NETO2: variants seen among roughly 807,000 people sequenced by gnomAD.
NETO2 encodes neuropilin and tolloid like 2.
A neutral mutation model predicts 62.5 loss-of-function variants in NETO2; 28 were observed. That is an observed-to-expected ratio of 0.45 (90% CI 0.33 to 0.61). The LOEUF (loss-of-function observed/expected upper bound fraction) is 0.61, where lower values mean the gene tolerates loss of function less well. NETO2 is among the 20% of genes least tolerant of loss of function. NETO2 has a pLI of 0.02. For synonymous variants in NETO2, 214 were observed against 219.1 expected, an observed-to-expected ratio of 0.98 and a Z score of 0.21; for missense variants, 548 against 643.2, an observed-to-expected ratio of 0.85 and a Z score of 1.60.
chr16:47,101,484 G>A (rs1286341091), intron 7 of NETO2, among the ~76,000 whole-genome samples: 11 of 152,176 alleles, frequency 7.2e-5, no homozygotes, highest in Non-Finnish European at 1.6e-4. Context: ...AGGAAGACCG[G>A]AAGTTAAATT....
chr16:47,139,976 T>A (rs1378780773), intron 1 of NETO2, among the ~76,000 whole-genome samples: 1 of 152,382 alleles, frequency 6.6e-6, no homozygotes, highest in Admixed American at 6.5e-5. Context: ...TTTCCAATGT[T>A]ACTCCAGGCA....
intron 7 of NETO2, 148 bp from the exon 8 acceptor site, chr16:47,086,487 C>G: frequency 1.7e-6 from 1 of 604,282 alleles, no homozygotes. Flanking sequence ...ATAAGACAAA[C>G]GTCAATATTC....
intron 4 of NETO2, among the ~76,000 whole-genome samples, chr16:47,125,847 G>A (rs1206731044): frequency 6.6e-6 from 1 of 152,116 alleles, no homozygotes; most frequent in East Asian, 1.9e-4. Context: ...TGCACCACAC[G>A]CCTGGCTCCA....
intron 6 of NETO2, among the ~76,000 whole-genome samples, chr16:47,119,573 T>C (rs1475872270): frequency 6.6e-6 from 1 of 152,020 alleles, no homozygotes; most frequent in African/African-American, 2.4e-5. Context: ...TTTTTTTTAA[T>C]TTCTGTTTTA....
chr16:47,129,309 AAC>A lies in NETO2; in HGVS notation c.145_146del (p.Val49SerfsTer15), dbSNP rs1964218236. On this transcript the variant is annotated frameshift_variant, in exon 3 of 9. Coordinates refer to ENST00000562435, the MANE Select transcript of NETO2 (RefSeq NM_018092.5). LOFTEE classifies it high-confidence loss of function. Reference protein sequence around the residue: ...HIPATQCGIWVRTSNGGHFAS... With the variant: ...HIPATQCGIWXRTSNGGHFAS... ...CAAAATGACCTCCATTGCTGGTTCGAACCCAAATGCCACACTGGGTTGCAGGA... is the reference window on the plus strand; with the variant it reads ...CAAAATGACCTCCATTGCTGGTTCGACCAAATGCCACACTGGGTTGCAGGA... 1 of 1,613,978 alleles carries A rather than the reference AAC, an allele frequency of 6.2e-7. No homozygotes were observed. The highest frequency in any genetic ancestry group is 8.5e-7 in the Non-Finnish European group (1 of 1,179,948).
rs1049278761 is a variant in NETO2 at position 47,143,804 on chromosome 16, G to T, written c.-192C>A. Reference sequence around the variant, plus strand: ...CGAGCCCCACAGTGGGCTCCCGCGCGGCCCGAGCACCCCGACGGGCGCCGC... The same window carrying T: ...CGAGCCCCACAGTGGGCTCCCGCGCTGCCCGAGCACCCCGACGGGCGCCGC... On this transcript the variant is annotated 5_prime_UTR_variant, in exon 1 of 9. Coordinates refer to ENST00000562435, the MANE Select transcript of NETO2 (RefSeq NM_018092.5). 3 of 739,944 alleles carry T rather than the reference G, an allele frequency of 4.1e-6. No homozygotes were observed. In the Admixed American group the frequency reaches 1.4e-4, roughly 35 times the overall value. The allele number at this position is 739,944 out of a possible 1,614,324, so 45.8% of individuals were successfully genotyped here.
At chr16:47,096,426 G>T (rs1270751149) in intron 7 of NETO2, among the ~76,000 whole-genome samples, 2 of 152,102 alleles carry the variant, frequency 1.3e-5, no homozygotes, top group Non-Finnish European at 2.9e-5. Flanking sequence ...AGAACAAAAA[G>T]ACTCAAATTA....
intron 7 of NETO2, among the ~76,000 whole-genome samples, chr16:47,102,806 G>A (rs1159157426): frequency 6.6e-6 from 1 of 152,324 alleles, no homozygotes. Flanking sequence ...ATGCTGGAGA[G>A]GATGTGGATA....
At chr16:47,128,658 CTG>C in intron 3 of NETO2, 85 bp from the exon 4 acceptor site, 3 of 1,419,500 alleles carry the variant, frequency 2.1e-6, no homozygotes, top group Non-Finnish European at 2.9e-6. Flanking sequence ...AGCAGAATAA[CTG>C]TTCTGCTAAC....
rs897071831 is a variant in NETO2 at position 47,083,132 on chromosome 16, A to C, written c.*89T>G. The C allele has an allele frequency of 1.6e-5, 18 of 1,160,420 alleles. No homozygotes were observed. The highest frequency in any genetic ancestry group is 1.6e-5 in the Non-Finnish European group (13 of 810,230). 71.9% of individuals were successfully genotyped at this position (1,160,420 alleles called of 1,614,324 possible). A position where few individuals can be genotyped will look rare whatever the true frequency, so the allele number is the denominator to read the frequency against. On this transcript the variant is annotated 3_prime_UTR_variant, in exon 9 of 9. Transcript: ENST00000562435. ...TCAAGGTCTTCGTAGTTGTGATGGG[A>C]GAAAAGGGTTGGCTGCTGGAAACAG...
At position 47,078,746 on chromosome 16, in the gene NETO2, A is replaced by C. The variant is rs1398480609; in HGVS notation, c.*4475T>G. On this transcript the variant is annotated 3_prime_UTR_variant, in exon 9 of 9. Coordinates refer to ENST00000562435, the MANE Select transcript of NETO2 (RefSeq NM_018092.5). Reference sequence around the variant, plus strand: ...CTTTAGATTTAAAAAAGATCAAAAAAGCAAGAACACAGGAGCTCTTCCTGC... The same window carrying C: ...CTTTAGATTTAAAAAAGATCAAAAACGCAAGAACACAGGAGCTCTTCCTGC... 1 of 152,230 alleles carries C rather than the reference A, an allele frequency of 6.6e-6. No individual in the cohort carries two copies. The allele number at this position is 152,230 out of a possible 1,614,324, so 9.4% of individuals were successfully genotyped here. A position where few individuals can be genotyped will look rare whatever the true frequency, so the allele number is the denominator to read the frequency against.
rs753917568 is a variant in NETO2, at chr16:47,103,140, C to T, written c.883+6343G>A. Among the ~76,000 whole-genome samples, 52 of 152,148 alleles carry T rather than the reference C, an allele frequency of 3.4e-4. 1 individual carries two copies. Among genetic ancestry groups the T allele is most frequent in the Middle Eastern group, 6.8e-3 (2 of 294 alleles). ...AAAGGATGAGTTCATGTCCTTTGCA[C>T]GGACATGGATGAAGCTGGAAATCAT... On this transcript the variant is annotated intron_variant, in intron 7 of 8. Coordinates refer to ENST00000562435, the MANE Select transcript of NETO2 (RefSeq NM_018092.5).
At position 47,143,746 on chromosome 16, in the gene NETO2, G is replaced by A; in HGVS notation, c.-134C>T. 8.8e-7 allele frequency: 1 copy of A among 1,142,042 alleles called. No individual in the cohort carries two copies. Among genetic ancestry groups the A allele is most frequent in the Non-Finnish European group, 1.1e-6 (1 of 913,684 alleles). 70.7% of individuals were successfully genotyped at this position (1,142,042 alleles called of 1,614,324 possible). A position where few individuals can be genotyped will look rare whatever the true frequency, so the allele number is the denominator to read the frequency against. ...CCAGCAGCTGCCTCCCCGCTCCCCT[G>A]AGGAGAGCTCAGGTCCTGCGGCCCG... On this transcript the variant is annotated 5_prime_UTR_variant, in exon 1 of 9. Coordinates refer to ENST00000562435, the MANE Select transcript of NETO2 (RefSeq NM_018092.5).
At chr16:47,109,403 A>T (rs185879115) in intron 7 of NETO2, 80 bp downstream of exon 7, 30 of 843,806 alleles carry the variant, frequency 3.6e-5, no homozygotes, top group African/African-American at 2.9e-4. Flanking sequence ...TAAATATTTT[A>T]AAAAAGTAAA....
intron 1 of NETO2, 63 bp from the exon 2 acceptor site, chr16:47,132,088 A>G (rs1474822489): frequency 6.5e-6 from 8 of 1,223,322 alleles, no homozygotes; most frequent in Admixed American, 5.8e-5. Context: ...TACTAAGTCA[A>G]TAAATAAAAT....
intron 4 of NETO2, 147 bp downstream of exon 4, chr16:47,128,178 T>C (rs1964193833): frequency 1.0e-6 from 1 of 955,168 alleles, no homozygotes; most frequent in East Asian, 2.4e-5. Flanking sequence ...TATTTGTTCA[T>C]GGACTAATTT....
chr16:47,101,922 A>T (rs1415642545), intron 7 of NETO2, among the ~76,000 whole-genome samples: 1 of 152,224 alleles, frequency 6.6e-6, no homozygotes, highest in Non-Finnish European at 1.5e-5. Context: ...TCACAGAATT[A>T]GAAAAAACTA....
At chr16:47,089,638 C>T (rs1160036199) in intron 7 of NETO2, among the ~76,000 whole-genome samples, 5 of 152,130 alleles carry the variant, frequency 3.3e-5, no homozygotes, top group African/African-American at 1.2e-4. Context: ...CAAGGCTCAT[C>T]GGAAAGACAA....
In NETO2 at chr16:47,122,801, A is replaced by G; in HGVS notation, c.527-17T>C. 9.3e-6 allele frequency: 15 copies of G among 1,614,008 alleles called. No individual in the cohort carries two copies. Among genetic ancestry groups the G allele is most frequent in the Non-Finnish European group, 1.3e-5 (15 of 1,179,992 alleles). On this transcript the variant is annotated splice_polypyrimidine_tract_variant and intron_variant, in intron 5 of 8. Coordinates refer to ENST00000562435, the MANE Select transcript of NETO2 (RefSeq NM_018092.5). ...ACTGACAATCTGGAAGGAATACATG[A>G]AAGGTGTTCAAAGGAACATAAGACT...
Sources: allele counts gnomAD v4.1 joint callset (sites outside exome capture counted in the v4.1 genomes callset), GRCh38; gene constraint gnomAD v4.1.1; transcripts MANE v1.5; gene names NCBI Gene and HGNC (gene_info 2026-07-23, HGNC 2026-07-21).